Variants in PHF24 observed in about 807,000 individuals in gnomAD.
PHF24 encodes the protein Galpha inhibitory interacting protein.
PHF24 carries 25 observed loss-of-function variants against 42.6 expected under a neutral mutation model. The observed-to-expected ratio is 0.59, with a 90% CI of 0.43 to 0.82. The LOEUF (loss-of-function observed/expected upper bound fraction) is 0.82. Ranked by LOEUF, PHF24 falls within the 40% of genes least tolerant of loss-of-function variation. The pLI, the probability that PHF24 is intolerant of heterozygous loss-of-function variation, is 0.00. For synonymous variants in PHF24, 185 were observed against 204.8 expected, an observed-to-expected ratio of 0.90 and a Z score of 0.83; for missense variants, 470 against 538.1, an observed-to-expected ratio of 0.87 and a Z score of 1.25.
the PHF24 span, among the ~76,000 whole-genome samples, chr9:34,814,131 C>T: frequency 6.6e-6 from 1 of 152,206 alleles, no homozygotes; most frequent in African/African-American, 2.4e-5. Flanking sequence ...ATTCCACCTA[C>T]CAGCTAAAGA....
chr9:34,967,868 T>C (rs1170236439), intron 1 of PHF24, among the ~76,000 whole-genome samples: 1 of 152,226 alleles, frequency 6.6e-6, no homozygotes, highest in Non-Finnish European at 1.5e-5. Flanking sequence ...ATGAGCATTC[T>C]AAATGCTTCA....
At chr9:34,760,758 G>A in the PHF24 span, among the ~76,000 whole-genome samples, 8 of 152,354 alleles carry the variant, frequency 5.3e-5, no homozygotes, top group South Asian at 1.7e-3. Flanking sequence ...TTGTGAGGCC[G>A]AGGTGGGAGA....
the PHF24 span, among the ~76,000 whole-genome samples, chr9:34,845,541 T>G: frequency 3.3e-5 from 5 of 152,322 alleles, no homozygotes; most frequent in East Asian, 9.6e-4. Context: ...AAGAATATGT[T>G]ATGATTACAA....
chr9:34,957,622 T>C (rs74773488), upstream of PHF24: 39 of 152,292 alleles, frequency 2.6e-4, no homozygotes, highest in East Asian at 7.0e-3. Flanking sequence ...AAACAGCGCA[T>C]AGGGTAGGCT....
chr9:34,881,781 G>A, the PHF24 span, among the ~76,000 whole-genome samples: 1 of 152,126 alleles, frequency 6.6e-6, no homozygotes, highest in African/African-American at 2.4e-5. Flanking sequence ...TCTACCAGAG[G>A]TACAAAGAGG....
At chr9:34,791,649 A>G in the PHF24 span, among the ~76,000 whole-genome samples, 1 of 152,238 alleles carries the variant, frequency 6.6e-6, no homozygotes, top group South Asian at 2.1e-4. Context: ...CAGAGATCTG[A>G]AAGATGAGAA....
chr9:34,729,850 G>A, the PHF24 span, among the ~76,000 whole-genome samples: 1 of 152,178 alleles, frequency 6.6e-6, no homozygotes, highest in African/African-American at 2.4e-5. Context: ...CACTAGTTTT[G>A]GTAATATACC....
At chr9:34,978,344 C>A in exon 8 of PHF24, 1 of 548,256 alleles carries the variant, frequency 1.8e-6, no homozygotes, top group Non-Finnish European at 3.3e-6. Context: ...TCTCCTGGAC[C>A]GCCCCTGCCC....
the PHF24 span, among the ~76,000 whole-genome samples, chr9:34,675,555 A>T: frequency 6.6e-6 from 1 of 152,180 alleles, no homozygotes; most frequent in Non-Finnish European, 1.5e-5. Context: ...TGTGGGTGGA[A>T]CATTGCACAG....
the PHF24 span, among the ~76,000 whole-genome samples, chr9:34,770,819 T>A: frequency 6.7e-6 from 1 of 149,964 alleles, no homozygotes; most frequent in Admixed American, 6.6e-5. Context: ...GAAAGATTTT[T>A]AAAATTTATT....
the PHF24 span, among the ~76,000 whole-genome samples, chr9:34,816,101 T>A: frequency 6.6e-6 from 1 of 151,776 alleles, no homozygotes; most frequent in African/African-American, 2.4e-5. Flanking sequence ...ATTTTATTTT[T>A]ATTTTTTTAT....
chr9:34,719,824 C>T, the PHF24 span, among the ~76,000 whole-genome samples: 1 of 152,210 alleles, frequency 6.6e-6, no homozygotes, highest in Admixed American at 6.5e-5. Flanking sequence ...GTGCCTGTCA[C>T]AATACCTCCT....
chr9:34,673,961 G>C, the PHF24 span, among the ~76,000 whole-genome samples: 2 of 152,064 alleles, frequency 1.3e-5, no homozygotes, highest in African/African-American at 4.8e-5. Flanking sequence ...TCCCCATGTT[G>C]CCCAGGCAGG....
At chr9:34,705,382 C>A in the PHF24 span, among the ~76,000 whole-genome samples, 1,860 of 152,316 alleles carry the variant, frequency 0.012, 26 homozygotes, top group Admixed American at 0.027. Flanking sequence ...GGCTCCCAGG[C>A]TCAAGTGATC....
At position 34,976,686 on chromosome 9, in the gene PHF24, G is replaced by A; in HGVS notation, c.795G>A (p.Trp265Ter). 6.2e-7 allele frequency: 1 copy of A among 1,614,208 alleles called. No individual in the cohort carries two copies. Among genetic ancestry groups the A allele is most frequent in the Non-Finnish European group, 8.5e-7 (1 of 1,180,006 alleles). Reference sequence around the variant, plus strand: ...CTGAACATCGAGGCCACATAGAGTGGCCTGACTTCTTGTCCCATGAGTCCC... The same window carrying A: ...CTGAACATCGAGGCCACATAGAGTGACCTGACTTCTTGTCCCATGAGTCCC... The change falls in exon 5 of 8, where the codon TGG becomes TGA. Residue 265 changes from tryptophan (W) to a stop codon, truncating the protein, a stop_gained. Coordinates refer to ENST00000242315, the Ensembl canonical transcript of PHF24. LOFTEE classifies it high-confidence loss of function.
At chr9:34,914,937 C>T in the PHF24 span, among the ~76,000 whole-genome samples, 1 of 141,632 alleles carries the variant, frequency 7.1e-6, no homozygotes, top group Non-Finnish European at 1.5e-5. Context: ...AGGTGTGTGC[C>T]ACCATGCCTG....
chr9:34,924,341 T>C, the PHF24 span, among the ~76,000 whole-genome samples: 1 of 23,160 alleles, frequency 4.3e-5, no homozygotes, highest in African/African-American at 6.9e-5. Context: ...ATCTTCTGTC[T>C]AGATAAACCT....
the PHF24 span, among the ~76,000 whole-genome samples, chr9:34,716,168 A>G: frequency 6.6e-6 from 1 of 151,560 alleles, no homozygotes; most frequent in Non-Finnish European, 1.5e-5. Context: ...TGAAGGAGCT[A>G]CTCAGTTTCT....
the PHF24 span, among the ~76,000 whole-genome samples, chr9:34,720,421 C>T: frequency 6.9e-6 from 1 of 145,030 alleles, no homozygotes; most frequent in Admixed American, 7.1e-5. Flanking sequence ...GCCCGCAGTC[C>T]GGCCTGGGCG....
Sources: gnomAD v4.1 joint callset for allele counts (sites outside exome capture counted in the v4.1 genomes callset) on GRCh38, gnomAD v4.1.1 for gene constraint, MANE v1.5 for transcripts, NCBI Gene and HGNC (gene_info 2026-07-23, HGNC 2026-07-21) for gene names.